Variants in TMEM131 observed in about 807,000 individuals in gnomAD.
TMEM131 encodes the protein transmembrane protein 131, also known as 2610524E03Rik.
TMEM131 carries 66 observed loss-of-function variants against 211.6 expected under a neutral mutation model. The observed-to-expected ratio is 0.31, with a 90% CI of 0.26 to 0.38. TMEM131 has a LOEUF of 0.38. Among genes scored for constraint, TMEM131 ranks in the 10% least tolerant of loss-of-function variants. The probability of loss-of-function intolerance (pLI) is 1.00; values close to 1 mark genes in which losing one functional copy is unlikely to be tolerated. For missense variants in TMEM131, 2,036 were observed against 2,299.3 expected, an observed-to-expected ratio of 0.89 and a Z score of 2.34; for synonymous variants, 844 against 841.3, an observed-to-expected ratio of 1.00 and a Z score of -0.06.
At chr2:97,973,016 T>C (rs2104610017) in intron 1 of TMEM131, among the ~76,000 whole-genome samples, 1 of 152,322 alleles carries the variant, frequency 6.6e-6, no homozygotes, top group East Asian at 1.9e-4. Context: ...TTTTAGCCTG[T>C]GAGACTCACT....
chr2:97,777,748 A>C (rs17022209), intron 31 of TMEM131, among the ~76,000 whole-genome samples: 3,721 of 152,312 alleles, frequency 0.024, 161 homozygotes, highest in African/African-American at 0.086. Context: ...CATAGGACTG[A>C]CTAGTTTGTT....
chr2:97,972,261 A>C (rs1345152785), intron 1 of TMEM131, among the ~76,000 whole-genome samples: 3 of 152,126 alleles, frequency 2.0e-5, no homozygotes, highest in African/African-American at 7.2e-5. Context: ...ACTGCTCAGG[A>C]GGGCCTTACC....
rs1680010624 is a variant in TMEM131 at position 97,781,650 on chromosome 2, A to C, written c.4145-5632T>G. Among the ~76,000 whole-genome samples, 3 of 152,242 alleles carry C rather than the reference A, an allele frequency of 2.0e-5. No individual in the cohort carries two copies. The South Asian group carries it at 6.2e-4, about 32-fold the overall frequency. ...GGAAGATGGAGTAGATCTTTTCCTT[A>C]TTCTTCCTGCCAAGCAAAACTAAAA... On this transcript the variant is annotated intron_variant, in intron 31 of 40. Coordinates refer to ENST00000186436, the MANE Select transcript of TMEM131 (RefSeq NM_015348.2).
chr2:97,765,967 G>A, intron 35 of TMEM131, 147 bp downstream of exon 35: 1 of 966,564 alleles, frequency 1.0e-6, no homozygotes, highest in Non-Finnish European at 1.5e-6. Flanking sequence ...TTTAGCCACT[G>A]ATTAGGCTAG....
intron 1 of TMEM131, among the ~76,000 whole-genome samples, chr2:97,993,578 T>TA (rs544386940): frequency 1.3e-4 from 20 of 152,340 alleles, no homozygotes; most frequent in African/African-American, 3.8e-4. Context: ...TCTCCATTAA[T>TA]ATCTTGGATA....
intron 10 of TMEM131, among the ~76,000 whole-genome samples, chr2:97,833,678 G>A (rs1682814384): frequency 6.9e-6 from 1 of 144,638 alleles, no homozygotes. Flanking sequence ...TTTTAAATGA[G>A]ACAGAATCTT....
At chr2:97,759,112 A>C in intron 39 of TMEM131, 59 bp from the exon 40 acceptor site, 1 of 1,601,294 alleles carries the variant, frequency 6.2e-7, no homozygotes. Context: ...TCACTATAGC[A>C]TATGGGGCTT....
chr2:97,843,015 C>T (rs144248472), intron 6 of TMEM131, among the ~76,000 whole-genome samples: 29 of 151,398 alleles, frequency 1.9e-4, no homozygotes, highest in Admixed American at 2.0e-4. Flanking sequence ...TCTGACTGAC[C>T]CTTATTTTAT....
rs540862030 is a variant in TMEM131 at position 97,780,058 on chromosome 2, C to CAA, written c.4145-4042_4145-4041dup. Among the ~76,000 whole-genome samples the CAA allele has an allele frequency of 3.3e-5, 5 of 149,730 alleles. No individual in the cohort carries two copies. In the East Asian group the frequency reaches 9.8e-4, roughly 29 times the overall value. ...ACAAAACAAACAAAAAACAAACAAA[C>CAA]AAAAAAAAACAAAAACAAAAACAAA... On this transcript the variant is annotated intron_variant, in intron 31 of 40. Transcript: ENST00000186436.
At chr2:97,943,037 A>AAAAGAAAGAAAGACAGAAAGAAAG (rs1677846831) in intron 1 of TMEM131, among the ~76,000 whole-genome samples, 1 of 66,000 alleles carries the variant, frequency 1.5e-5, no homozygotes, top group South Asian at 5.0e-4. Context: ...AAAAGAAAAG[A>AAAAGAAAGAAAGACAGAAAGAAAG]AAAGAAAGAA....
intron 25 of TMEM131, among the ~76,000 whole-genome samples, chr2:97,798,676 G>C (rs1329196805): frequency 2.0e-5 from 3 of 152,226 alleles, no homozygotes; most frequent in Non-Finnish European, 4.4e-5. Flanking sequence ...CATATATGCA[G>C]TTTTGCATCC....
At chr2:97,972,164 G>GC (rs1216393495) in intron 1 of TMEM131, among the ~76,000 whole-genome samples, 2 of 152,062 alleles carry the variant, frequency 1.3e-5, no homozygotes, top group African/African-American at 4.8e-5. Flanking sequence ...GCCGAGATCT[G>GC]CCATTTCAGA....
rs557457079 is a variant in TMEM131 at position 97,793,639 on chromosome 2, G to A, written c.3387-86C>T. The A allele has an allele frequency of 1.1e-5, 15 of 1,318,892 alleles. No homozygotes were observed. The African/African-American group carries it at 2.2e-4, about 20-fold the overall frequency. 81.7% of individuals were successfully genotyped at this position (1,318,892 alleles called of 1,614,324 possible). On this transcript the variant is annotated intron_variant, in intron 29 of 40. Transcript: ENST00000186436. The stretch of plus-strand genomic sequence containing the variant: ...TTCGATGTTAAAGGCAGAGTTTCTT[G>A]GTAAAGTACAATATGATGTAATAGA...
intron 1 of TMEM131, among the ~76,000 whole-genome samples, chr2:97,970,343 C>A (rs984420909): frequency 6.6e-6 from 1 of 151,968 alleles, no homozygotes; most frequent in East Asian, 1.9e-4. Context: ...AGGCAAGGTG[C>A]GGGAGGAGGT....
chr2:97,957,692 A>G (rs1319662015), intron 1 of TMEM131, among the ~76,000 whole-genome samples: 2 of 152,236 alleles, frequency 1.3e-5, no homozygotes, highest in Non-Finnish European at 2.9e-5. Flanking sequence ...CCAAAGGACA[A>G]AAGTTTCCTG....
chr2:97,759,590 A>T, intron 39 of TMEM131, 62 bp downstream of exon 39: 1 of 1,392,494 alleles, frequency 7.2e-7, no homozygotes, highest in Non-Finnish European at 1.0e-6. Flanking sequence ...ACAAAACCAC[A>T]CCTCCTCTCC....
intron 4 of TMEM131, among the ~76,000 whole-genome samples, chr2:97,872,763 G>A (rs186104186): frequency 2.8e-4 from 43 of 152,312 alleles, no homozygotes; most frequent in Middle Eastern, 3.4e-3. Flanking sequence ...GATTCCCTCC[G>A]GTGCCTACCC....
At chr2:97,960,929 G>C (rs948207341) in intron 1 of TMEM131, among the ~76,000 whole-genome samples, 6 of 151,930 alleles carry the variant, frequency 3.9e-5, no homozygotes, top group African/African-American at 1.2e-4. Context: ...AGAAAAACTA[G>C]TTACTTCACC....
At chr2:97,788,160 T>G (rs917917281) in intron 31 of TMEM131, among the ~76,000 whole-genome samples, 4 of 152,110 alleles carry the variant, frequency 2.6e-5, no homozygotes, top group Admixed American at 2.0e-4. Flanking sequence ...CTCCACCAAC[T>G]ACCCAGTTTT....
Sources: allele counts gnomAD v4.1 joint callset (sites outside exome capture counted in the v4.1 genomes callset), GRCh38; gene constraint gnomAD v4.1.1; transcripts MANE v1.5; gene names NCBI Gene and HGNC (gene_info 2026-07-23, HGNC 2026-07-21).